ELF2: variants seen among roughly 807,000 people sequenced by gnomAD.
ELF2 encodes E74 like ETS transcription factor 2, also known as ETS-related transcription factor Elf-2.
ELF2 carries 11 observed loss-of-function variants against 54.8 expected under a neutral mutation model. The ratio of observed to expected loss-of-function variants is 0.20; its 90% CI spans 0.13 to 0.33. The LOEUF (loss-of-function observed/expected upper bound fraction) is 0.33, where lower values mean the gene tolerates loss of function less well. Among genes scored for constraint, ELF2 ranks in the 10% least tolerant of loss-of-function variants. The pLI is 1.00. For synonymous variants in ELF2, 203 were observed against 245.1 expected, an observed-to-expected ratio of 0.83 and a Z score of 1.61; for missense variants, 513 against 703.0, an observed-to-expected ratio of 0.73 and a Z score of 3.06.
At chr4:139,077,454 T>G (rs188161442) in intron 4 of ELF2, among the ~76,000 whole-genome samples, 1 of 152,338 alleles carries the variant, frequency 6.6e-6, no homozygotes, top group East Asian at 1.9e-4. Flanking sequence ...CTCATCATTT[T>G]TATTTACTAA....
intron 4 of ELF2, among the ~76,000 whole-genome samples, chr4:139,117,150 C>A (rs1458604981): frequency 1.3e-5 from 2 of 152,092 alleles, no homozygotes; most frequent in African/African-American, 4.8e-5. Context: ...AAAGTCCTGT[C>A]CCCAGTGGTC....
chr4:139,119,564 T>A (rs543608764), intron 4 of ELF2, among the ~76,000 whole-genome samples: 7 of 152,330 alleles, frequency 4.6e-5, no homozygotes, highest in African/African-American at 1.7e-4. Context: ...AGGATTCTGG[T>A]CACCCTTCCT....
chr4:139,069,620 T>TA, intron 6 of ELF2, among the ~76,000 whole-genome samples: 1 of 152,226 alleles, frequency 6.6e-6, no homozygotes, highest in African/African-American at 2.4e-5. Context: ...TATAGTCATA[T>TA]TAACTTTTAG....
At chr4:139,134,608 ATTTTATTTTATTTATTTTAT>A (rs1273054922) in intron 3 of ELF2, among the ~76,000 whole-genome samples, 3 of 140,962 alleles carry the variant, frequency 2.1e-5, no homozygotes, top group Non-Finnish European at 4.6e-5. Flanking sequence ...ATTTTATTTT[ATTTTATTTTATTTATTTTAT>A]TTTATTTTAT....
intron 4 of ELF2, among the ~76,000 whole-genome samples, chr4:139,123,169 C>G (rs1399241019): frequency 1.4e-5 from 2 of 143,254 alleles, no homozygotes; most frequent in African/African-American, 5.2e-5. Flanking sequence ...GGCGACAGAG[C>G]GAGACTCTGT....
intron 1 of ELF2, among the ~76,000 whole-genome samples, chr4:139,145,686 T>C (rs1185423556): frequency 6.6e-6 from 1 of 152,082 alleles, no homozygotes; most frequent in African/African-American, 2.4e-5. Context: ...AAAAAGATAA[T>C]ACACCATGAT....
In ELF2 at chr4:139,067,668, A is replaced by AC. The variant is rs752043878; in HGVS notation, c.613+15dup. 1.9e-6 allele frequency: 3 copies of AC among 1,610,810 alleles called. No homozygotes were observed. Among genetic ancestry groups the AC allele is most frequent in the Admixed American group, 1.7e-5 (1 of 59,864 alleles). On this transcript the variant is annotated intron_variant, in intron 7 of 9. Coordinates refer to ENST00000686138, the MANE Select transcript of ELF2 (RefSeq NM_001331036.3). Reference sequence around the variant, plus strand: ...AAAAAATCATCTCACTTCCAAAGCAACCCTCCCCAAATTACCTTTTCCTTC... The same window carrying AC: ...AAAAAATCATCTCACTTCCAAAGCAACCCCTCCCCAAATTACCTTTTCCTTC...
At chr4:139,150,137 C>T (rs923908126) in intron 1 of ELF2, among the ~76,000 whole-genome samples, 1 of 151,914 alleles carries the variant, frequency 6.6e-6, no homozygotes, top group East Asian at 1.9e-4. Flanking sequence ...GTCAGGCATT[C>T]GAGACCAGCC....
chr4:139,134,599 T>TA (rs1737923685), intron 3 of ELF2, among the ~76,000 whole-genome samples: 1 of 141,080 alleles, frequency 7.1e-6, no homozygotes, highest in Admixed American at 6.9e-5. Flanking sequence ...TTTTATTTTA[T>TA]TTTATTTTAT....
chr4:139,157,925 G>T (rs1403353818), intron 1 of ELF2, among the ~76,000 whole-genome samples: 1 of 152,196 alleles, frequency 6.6e-6, no homozygotes, highest in East Asian at 1.9e-4. Context: ...TCTGACTACG[G>T]ATCAGAAGAT....
chr4:139,140,730 G>C (rs1202532979), intron 1 of ELF2, among the ~76,000 whole-genome samples: 1 of 151,538 alleles, frequency 6.6e-6, no homozygotes, highest in Non-Finnish European at 1.5e-5. Flanking sequence ...CTCAAGCCTG[G>C]GTGACAGAGC....
intron 3 of ELF2, among the ~76,000 whole-genome samples, chr4:139,127,772 C>T (rs1737069994): frequency 6.6e-6 from 1 of 151,952 alleles, no homozygotes; most frequent in African/African-American, 2.4e-5. Context: ...CGAGACCAAC[C>T]TGGCCAATAC....
intron 1 of ELF2, among the ~76,000 whole-genome samples, chr4:139,148,316 ATTTTTTTTTTTTTTTTTTTTT>A (rs772079635): frequency 1.5e-5 from 1 of 64,532 alleles, no homozygotes; most frequent in Non-Finnish European, 2.8e-5. Flanking sequence ...TACCTGGCTA[ATTTTTTTTTTTTTTTTTTTTT>A]TTTTTTTTTT....
intron 3 of ELF2, among the ~76,000 whole-genome samples, chr4:139,129,630 CT>C (rs1017970283): frequency 6.6e-6 from 1 of 152,126 alleles, no homozygotes; most frequent in African/African-American, 2.4e-5. Flanking sequence ...TATTTCTGTC[CT>C]TTAAAGTCCC....
At chr4:139,130,239 T>A (rs1016091253) in intron 3 of ELF2, among the ~76,000 whole-genome samples, 14 of 147,844 alleles carry the variant, frequency 9.5e-5, no homozygotes, top group African/African-American at 3.5e-4. Flanking sequence ...CAAACAACAA[T>A]AAAAAAAAAA....
chr4:139,114,185 C>T (rs1034877608), intron 4 of ELF2, among the ~76,000 whole-genome samples: 4 of 152,052 alleles, frequency 2.6e-5, no homozygotes, highest in African/African-American at 9.7e-5. Context: ...CTATATACTC[C>T]ATAATTTGAT....
At chr4:139,174,712 G>C (rs1742732547) in intron 1 of ELF2, among the ~76,000 whole-genome samples, 1 of 152,210 alleles carries the variant, frequency 6.6e-6, no homozygotes, top group South Asian at 2.1e-4. Flanking sequence ...GTATTAGGTA[G>C]TATGAGTGAT....
chr4:139,115,323 C>CG (rs1735557204), intron 4 of ELF2: 2 of 1,498,596 alleles, frequency 1.3e-6, no homozygotes, highest in Non-Finnish European at 8.9e-7. Flanking sequence ...CTGCCCGGCC[C>CG]GGGGGCCGGG....
At chr4:139,143,987 T>C (rs1022398815) in intron 1 of ELF2, among the ~76,000 whole-genome samples, 18 of 151,910 alleles carry the variant, frequency 1.2e-4, no homozygotes, top group African/African-American at 4.4e-4. Flanking sequence ...AGATGGCAGA[T>C]TGGAGGTAGT....
Sources: gnomAD v4.1 joint callset for allele counts (sites outside exome capture counted in the v4.1 genomes callset) on GRCh38, gnomAD v4.1.1 for gene constraint, MANE v1.5 for transcripts, NCBI Gene and HGNC (gene_info 2026-07-23, HGNC 2026-07-21) for gene names.